PIP4K2A: variants seen among roughly 807,000 people sequenced by gnomAD.
PIP4K2A encodes phosphatidylinositol 5-phosphate 4-kinase type-2 alpha.
Under a neutral mutation model 42.9 loss-of-function variants are expected in PIP4K2A, and 14 were observed. The observed-to-expected ratio is 0.33, with a 90% CI of 0.22 to 0.51. The LOEUF is 0.51. PIP4K2A is among the 20% of genes least tolerant of loss of function. The pLI, the probability that PIP4K2A is intolerant of heterozygous loss-of-function variation, is 0.97. For synonymous variants in PIP4K2A, 192 were observed against 192.2 expected (o/e 1.00, Z 0.01); for missense variants, 434 against 519.8 (o/e 0.83, Z 1.61).
At chr10:22,660,630 A>C (rs1839189373) in intron 1 of PIP4K2A, among the ~76,000 whole-genome samples, 1 of 152,128 alleles carries the variant, frequency 6.6e-6, no homozygotes, top group African/African-American at 2.4e-5. Flanking sequence ...CTCACTTTGC[A>C]CAAAAGATGA....
chr10:22,701,355 T>C (rs139996254), intron 1 of PIP4K2A, among the ~76,000 whole-genome samples: 2 of 152,356 alleles, frequency 1.3e-5, no homozygotes, highest in Admixed American at 6.5e-5. Context: ...ACATCCTTTG[T>C]CTGCTTGTTT....
intron 6 of PIP4K2A, among the ~76,000 whole-genome samples, chr10:22,554,001 C>T (rs939483262): frequency 2.2e-4 from 33 of 151,650 alleles, no homozygotes; most frequent in African/African-American, 7.0e-4. Context: ...ATGAGATAAC[C>T]GTGGTGGTGT....
intron 9 of PIP4K2A, chr10:22,539,358 T>C (rs1836025534): frequency 1.3e-5 from 2 of 152,328 alleles, no homozygotes; most frequent in African/African-American, 2.4e-5. Flanking sequence ...GCTTAACATA[T>C]GGCTAGAGCA....
chr10:22,649,288 C>T (rs908974480), intron 1 of PIP4K2A, among the ~76,000 whole-genome samples: 1 of 152,188 alleles, frequency 6.6e-6, no homozygotes, highest in Non-Finnish European at 1.5e-5. Flanking sequence ...CTGTTTCTTT[C>T]TCCTTTGACT....
chr10:22,669,170 A>T (rs530488039), intron 1 of PIP4K2A, among the ~76,000 whole-genome samples: 18 of 152,274 alleles, frequency 1.2e-4, no homozygotes, highest in African/African-American at 4.3e-4. Context: ...TAATGAGGGG[A>T]GATTTTTGGC....
chr10:22,683,082 AC>A (rs374422653), intron 1 of PIP4K2A, among the ~76,000 whole-genome samples: 13,056 of 110,476 alleles, frequency 0.12, 1,528 homozygotes, highest in African/African-American at 0.38. Context: ...AACAACAACA[AC>A]AACAAAAACA....
chr10:22,599,496 T>A (rs920412100), intron 3 of PIP4K2A, among the ~76,000 whole-genome samples: 2 of 152,216 alleles, frequency 1.3e-5, no homozygotes, highest in Non-Finnish European at 2.9e-5. Context: ...TGTCTCTGGA[T>A]GAGTGAGGTG....
intron 1 of PIP4K2A, among the ~76,000 whole-genome samples, chr10:22,641,082 T>C (rs1445153111): frequency 6.6e-6 from 1 of 152,250 alleles, no homozygotes; most frequent in Non-Finnish European, 1.5e-5. Context: ...TTTTTAAAAT[T>C]TGTCATCTTA....
intron 1 of PIP4K2A, among the ~76,000 whole-genome samples, chr10:22,655,172 C>A (rs1342382596): frequency 6.6e-6 from 1 of 152,164 alleles, no homozygotes; most frequent in Non-Finnish European, 1.5e-5. Context: ...TTGATAGAAG[C>A]CCTGGGATAC....
chr10:22,610,753 C>G (rs535903703), intron 1 of PIP4K2A, among the ~76,000 whole-genome samples: 71 of 152,232 alleles, frequency 4.7e-4, no homozygotes, highest in East Asian at 3.9e-4. Context: ...TTGGGCCAAA[C>G]GAAAGCTGGG....
intron 8 of PIP4K2A, 91 bp downstream of exon 8, chr10:22,541,713 C>G: frequency 1.4e-6 from 2 of 1,397,762 alleles, no homozygotes; most frequent in Non-Finnish European, 1.9e-6. Context: ...CGGGCAGCAC[C>G]CTCATAACTG....
Position 22,549,792 on chromosome 10 carries a change from G to A in PIP4K2A, c.792+867C>T, listed in dbSNP as rs1389500700. Among the ~76,000 whole-genome samples the A allele has an allele frequency of 3.4e-4, 43 of 127,974 alleles. 2 individuals are homozygous for A. The highest frequency in any genetic ancestry group is 5.6e-3 in the Middle Eastern group (1 of 178). The allele number at this position is 127,974 out of a possible 152,430, so 84.0% of individuals were successfully genotyped here. Reference sequence around the variant, plus strand: ...GGAGGCAGAGCTTGCAGTGAGCCGAGATCGCGCCACTGCACTCCAGCCTAG... The same window carrying A: ...GGAGGCAGAGCTTGCAGTGAGCCGAAATCGCGCCACTGCACTCCAGCCTAG... On this transcript the variant is annotated intron_variant, in intron 7 of 9. Transcript: ENST00000376573.
intron 1 of PIP4K2A, among the ~76,000 whole-genome samples, chr10:22,673,372 A>C (rs999878461): frequency 6.6e-6 from 1 of 152,256 alleles, no homozygotes; most frequent in African/African-American, 2.4e-5. Flanking sequence ...AATGCAATAA[A>C]TATGTATGCA....
At chr10:22,711,936 CCTTT>C (rs1833918381) in intron 1 of PIP4K2A, among the ~76,000 whole-genome samples, 1 of 152,178 alleles carries the variant, frequency 6.6e-6, no homozygotes, top group South Asian at 2.1e-4. Context: ...GTGAAACAGA[CCTTT>C]CTTATGTCAA....
intron 9 of PIP4K2A, among the ~76,000 whole-genome samples, chr10:22,539,195 G>A (rs923250242): frequency 2.0e-5 from 3 of 152,194 alleles, no homozygotes; most frequent in Non-Finnish European, 4.4e-5. Flanking sequence ...GAGCCAGGAG[G>A]GGGCTGGGTC....
At chr10:22,544,095 A>G (rs1564413506) in intron 7 of PIP4K2A, among the ~76,000 whole-genome samples, 3 of 152,102 alleles carry the variant, frequency 2.0e-5, no homozygotes, top group African/African-American at 7.2e-5. Flanking sequence ...CCTAGGAGGA[A>G]GGTAACGAGT....
intron 2 of PIP4K2A, among the ~76,000 whole-genome samples, chr10:22,608,603 AC>A: frequency 6.6e-6 from 1 of 152,138 alleles, no homozygotes; most frequent in Non-Finnish European, 1.5e-5. Context: ...GGTGGCTTAC[AC>A]CACTCATTTG....
chr10:22,686,295 T>C (rs1181947651), intron 1 of PIP4K2A, among the ~76,000 whole-genome samples: 2 of 152,306 alleles, frequency 1.3e-5, no homozygotes, highest in Middle Eastern at 3.4e-3. Context: ...TTCCACAAAT[T>C]ACGTCTTAAC....
chr10:22,565,811 G>C, intron 6 of PIP4K2A, among the ~76,000 whole-genome samples: 1 of 138,810 alleles, frequency 7.2e-6, no homozygotes, highest in Middle Eastern at 3.5e-3. Context: ...AAGAGAATAC[G>C]CGCCTGGAGA....
Sources: allele counts gnomAD v4.1 joint callset (sites outside exome capture counted in the v4.1 genomes callset), GRCh38; gene constraint gnomAD v4.1.1; transcripts MANE v1.5; gene names NCBI Gene and HGNC (gene_info 2026-07-23, HGNC 2026-07-21).